Variants in ATP2B4 observed in about 807,000 individuals in gnomAD.
ATP2B4 encodes the protein plasma membrane calcium-transporting ATPase 4.
Under a neutral mutation model 110.3 loss-of-function variants are expected in ATP2B4, and 39 were observed. That is an observed-to-expected ratio of 0.35 (90% confidence interval 0.27 to 0.46). ATP2B4 has a LOEUF of 0.46. Among genes scored for constraint, ATP2B4 ranks in the 20% least tolerant of loss-of-function variants. The pLI is 1.00. For missense variants in ATP2B4, 1,135 were observed against 1,530.9 expected (o/e 0.74, Z 4.32); for synonymous variants, 538 against 571.7 (o/e 0.94, Z 0.84).
Position 203,698,350 on chromosome 1 carries a change from T to C in ATP2B4, c.387T>C (p.Asn129=). 1 of 1,614,022 alleles carries C rather than the reference T, an allele frequency of 6.2e-7. No individual in the cohort carries two copies. Among genetic ancestry groups the C allele is most frequent in the Non-Finnish European group, 8.5e-7 (1 of 1,179,958 alleles). The change falls in exon 3 of 21, where the codon AAT becomes AAC. Residue 129 remains asparagine, a synonymous_variant. Coordinates refer to ENST00000357681, the MANE Select transcript of ATP2B4 (RefSeq NM_001684.5). ...LSFYRPAGEE[N]ELCGQVATTP... is the part of the protein sequence containing the mutation. ...TTTATCGCCCTGCTGGTGAAGAAAATGAACGTGAGTGTCCTAAACAGCTCA... is the reference window on the plus strand; with the variant it reads ...TTTATCGCCCTGCTGGTGAAGAAAACGAACGTGAGTGTCCTAAACAGCTCA...
chr1:203,662,601 A>G (rs1460480527), intron 1 of ATP2B4, among the ~76,000 whole-genome samples: 2 of 152,200 alleles, frequency 1.3e-5, no homozygotes, highest in African/African-American at 4.8e-5. Flanking sequence ...TTCACTTAGC[A>G]TAATGTTTTC....
chr1:203,736,996 G>T (rs776656334), intron 20 of ATP2B4, among the ~76,000 whole-genome samples: 3 of 152,156 alleles, frequency 2.0e-5, no homozygotes, highest in Non-Finnish European at 4.4e-5. Flanking sequence ...ACAGGTGGCT[G>T]GTTTCCCTTT....
chr1:203,651,471 A>T (rs1663991628), intron 1 of ATP2B4, among the ~76,000 whole-genome samples: 1 of 152,156 alleles, frequency 6.6e-6, no homozygotes, highest in Admixed American at 6.5e-5. Flanking sequence ...ACCCTTTCCT[A>T]TCCCATCCCC....
chr1:203,722,437 A>C (rs1186130038), intron 17 of ATP2B4, 41 bp from the exon 18 acceptor site: 1 of 1,504,178 alleles, frequency 6.6e-7, no homozygotes, highest in African/African-American at 1.4e-5. Context: ...CTCTTAGTTC[A>C]GACCACACTT....
chr1:203,641,953 T>C (rs1361841913), intron 1 of ATP2B4, among the ~76,000 whole-genome samples: 1 of 152,224 alleles, frequency 6.6e-6, no homozygotes, highest in Admixed American at 6.5e-5. Context: ...TTGGTAACTT[T>C]TGTATTCCTA....
chr1:203,702,189 G>A, intron 7 of ATP2B4, 110 bp downstream of exon 7: 1 of 1,387,078 alleles, frequency 7.2e-7, no homozygotes, highest in Non-Finnish European at 1.0e-6. Flanking sequence ...GTTATCTGCT[G>A]CTGTGGCTCA....
intron 2 of ATP2B4, among the ~76,000 whole-genome samples, chr1:203,688,601 C>G (rs1468252657): frequency 1.3e-5 from 2 of 152,162 alleles, no homozygotes; most frequent in Non-Finnish European, 2.9e-5. Context: ...CATGCGCAGC[C>G]TCAGCCCAAT....
At chr1:203,720,846 C>G in intron 16 of ATP2B4, 106 bp downstream of exon 16, 2 of 1,329,112 alleles carry the variant, frequency 1.5e-6, no homozygotes, top group Non-Finnish European at 2.0e-6. Context: ...CAGCGTTTCC[C>G]CATGACATTG....
intron 15 of ATP2B4, among the ~76,000 whole-genome samples, chr1:203,718,572 T>C (rs1475657487): frequency 6.6e-6 from 1 of 152,188 alleles, no homozygotes; most frequent in Non-Finnish European, 1.5e-5. Flanking sequence ...AATGCTGGGA[T>C]TACAGGCATG....
rs75267096 is a variant in ATP2B4, at chr1:203,711,153, C to A, written c.2031+45C>A. The A allele has an allele frequency of 7.2e-4, 1,142 of 1,578,780 alleles. 4 individuals are homozygous for A. The Middle Eastern group carries it at 7.4e-3, about 10-fold the overall frequency. ...CCCAGGAGTCTCAGGAAGTGGGGTA[C>A]TAGTTCCCTTTCTAGTTGTGACCCC... On this transcript the variant is annotated intron_variant, in intron 12 of 20. Transcript: ENST00000357681.
intron 1 of ATP2B4, among the ~76,000 whole-genome samples, chr1:203,640,775 A>C (rs41422249): frequency 0.016 from 2,482 of 152,362 alleles, 71 homozygotes; most frequent in African/African-American, 0.057. Context: ...CATTTTCCAC[A>C]TGATAAAGAT....
intron 1 of ATP2B4, among the ~76,000 whole-genome samples, chr1:203,646,104 G>C (rs1188603917): frequency 1.3e-5 from 2 of 151,900 alleles, no homozygotes. Context: ...ATGTAAAAAG[G>C]ATCTCACATA....
intron 8 of ATP2B4, 97 bp from the exon 9 acceptor site, chr1:203,706,912 T>A (rs934076675): frequency 5.1e-5 from 52 of 1,022,742 alleles, no homozygotes; most frequent in Non-Finnish European, 7.4e-5. Flanking sequence ...GTTTTAATAA[T>A]TGGCAACAAA....
At chr1:203,627,919 G>T (rs1209330202) in intron 1 of ATP2B4, among the ~76,000 whole-genome samples, 1 of 152,186 alleles carries the variant, frequency 6.6e-6, no homozygotes. Flanking sequence ...AAAAAGCTGG[G>T]AGTTACCTCG....
At chr1:203,642,748 G>A (rs1259956506) in intron 1 of ATP2B4, among the ~76,000 whole-genome samples, 1 of 152,142 alleles carries the variant, frequency 6.6e-6, no homozygotes, top group African/African-American at 2.4e-5. Flanking sequence ...ATATAAAAGT[G>A]CAGATTTGAG....
At chr1:203,636,857 A>G (rs187031322) in intron 1 of ATP2B4, among the ~76,000 whole-genome samples, 1 of 152,186 alleles carries the variant, frequency 6.6e-6, no homozygotes, top group Non-Finnish European at 1.5e-5. Flanking sequence ...ATTTGCAGCC[A>G]AGTCCCATCC....
intron 20 of ATP2B4, chr1:203,733,465 AC>A: frequency 7.1e-7 from 1 of 1,410,048 alleles, no homozygotes; most frequent in Admixed American, 2.3e-5. Context: ...CGTGGCATCC[AC>A]TTTAACCAAC....
At chr1:203,646,469 T>TA (rs1250182824) in intron 1 of ATP2B4, among the ~76,000 whole-genome samples, 1 of 151,608 alleles carries the variant, frequency 6.6e-6, no homozygotes, top group Non-Finnish European at 1.5e-5. Flanking sequence ...AATATAAAAA[T>TA]AAAAAAACAG....
At chr1:203,673,333 C>G (rs989793899) in intron 1 of ATP2B4, among the ~76,000 whole-genome samples, 23 of 152,170 alleles carry the variant, frequency 1.5e-4, no homozygotes, top group Non-Finnish European at 2.8e-4. Flanking sequence ...AACCACAGCT[C>G]TAAAACATTA....
Sources: allele counts gnomAD v4.1 joint callset (sites outside exome capture counted in the v4.1 genomes callset), GRCh38; gene constraint gnomAD v4.1.1; transcripts MANE v1.5; gene names NCBI Gene and HGNC (gene_info 2026-07-23, HGNC 2026-07-21).